DCLK1: variants seen among roughly 807,000 people sequenced by gnomAD.
The protein encoded by DCLK1 is doublecortin like kinase 1.
In DCLK1, 16 loss-of-function variants were observed where a neutral mutation model predicts 86.2. That is an observed-to-expected ratio of 0.19 (90% CI 0.13 to 0.28). DCLK1 has a LOEUF of 0.28. Among genes scored for constraint, DCLK1 ranks in the 10% least tolerant of loss-of-function variants. DCLK1 has a pLI of 1.00. For synonymous variants in DCLK1, 369 were observed against 370.5 expected, an observed-to-expected ratio of 1.00 and a Z score of 0.05; for missense variants, 590 against 940.2, an observed-to-expected ratio of 0.63 and a Z score of 4.87.
At chr13:35,837,623 T>G (rs1188668440) in intron 7 of DCLK1, among the ~76,000 whole-genome samples, 1 of 152,142 alleles carries the variant, frequency 6.6e-6, no homozygotes, top group East Asian at 1.9e-4. Context: ...TGGGTACAAG[T>G]GTGACCCTGC....
At chr13:35,830,337 G>A (rs543545920) in intron 8 of DCLK1, among the ~76,000 whole-genome samples, 28 of 152,286 alleles carry the variant, frequency 1.8e-4, no homozygotes, top group African/African-American at 6.5e-4. Flanking sequence ...GCTGCAGTGA[G>A]CCGAGATCAT....
chr13:36,103,763 C>T (rs73527278), intron 3 of DCLK1, among the ~76,000 whole-genome samples: 3 of 152,160 alleles, frequency 2.0e-5, no homozygotes, highest in African/African-American at 4.8e-5. Flanking sequence ...ACCACAGACA[C>T]CCTTGAATAC....
intron 4 of DCLK1, among the ~76,000 whole-genome samples, chr13:35,911,712 G>GTT (rs1875044262): frequency 6.6e-6 from 1 of 152,160 alleles, no homozygotes; most frequent in Non-Finnish European, 1.5e-5. Flanking sequence ...ACAATTTCTT[G>GTT]TTCTGGTTAC....
chr13:35,896,706 G>A (rs752879763), intron 4 of DCLK1, among the ~76,000 whole-genome samples: 12 of 151,658 alleles, frequency 7.9e-5, no homozygotes, highest in Non-Finnish European at 1.5e-5. Flanking sequence ...TTCTGCACTC[G>A]GCCTTGGCAG....
At chr13:35,881,293 A>G (rs981060297) in intron 4 of DCLK1, among the ~76,000 whole-genome samples, 3 of 152,192 alleles carry the variant, frequency 2.0e-5, no homozygotes, top group Non-Finnish European at 4.4e-5. Flanking sequence ...TTTTGTTTGC[A>G]CTTCCAACTT....
intron 6 of DCLK1, among the ~76,000 whole-genome samples, chr13:35,844,905 T>C (rs1044527190): frequency 3.9e-5 from 6 of 152,076 alleles, no homozygotes; most frequent in South Asian, 2.1e-4. Flanking sequence ...CTAGTAAAAA[T>C]GTTAGATTTA....
intron 4 of DCLK1, among the ~76,000 whole-genome samples, chr13:35,928,788 C>A (rs777191993): frequency 6.6e-6 from 1 of 152,154 alleles, no homozygotes; most frequent in Non-Finnish European, 1.5e-5. Flanking sequence ...CAGGCTCCTG[C>A]AATATAATAA....
chr13:35,828,381 A>G (rs1593635195), intron 8 of DCLK1, 74 bp from the exon 9 acceptor site: 1 of 1,193,626 alleles, frequency 8.4e-7, no homozygotes, highest in Non-Finnish European at 1.2e-6. Flanking sequence ...TCAGGGATCA[A>G]TTTCCTACCC....
chr13:36,035,298 T>C (rs1052250734), intron 3 of DCLK1, among the ~76,000 whole-genome samples: 3 of 152,314 alleles, frequency 2.0e-5, no homozygotes, highest in South Asian at 2.1e-4. Flanking sequence ...TTTGGAATAA[T>C]CTTTTTATGT....
intron 4 of DCLK1, among the ~76,000 whole-genome samples, chr13:35,913,855 G>T (rs1875195448): frequency 6.6e-6 from 1 of 152,284 alleles, no homozygotes; most frequent in African/African-American, 2.4e-5. Flanking sequence ...GAACTTGGCA[G>T]TTTAAAACTA....
At chr13:35,792,468 G>A (rs1483359299) in intron 16 of DCLK1, among the ~76,000 whole-genome samples, 1 of 152,128 alleles carries the variant, frequency 6.6e-6, no homozygotes, top group Non-Finnish European at 1.5e-5. Flanking sequence ...ATGAGTGAGA[G>A]GTGCTGTTTA....
chr13:35,990,351 C>T (rs1376065919), intron 3 of DCLK1, among the ~76,000 whole-genome samples: 2 of 152,132 alleles, frequency 1.3e-5, no homozygotes, highest in Non-Finnish European at 2.9e-5. Flanking sequence ...CCACCTTGCC[C>T]AGGCCTTTGA....
chr13:35,817,693 G>T (rs930850248), intron 11 of DCLK1, among the ~76,000 whole-genome samples: 2 of 152,118 alleles, frequency 1.3e-5, no homozygotes, highest in African/African-American at 2.4e-5. Context: ...AATGTGTTCA[G>T]AGTATTACCA....
chr13:35,987,649 G>A (rs570372210), intron 3 of DCLK1, among the ~76,000 whole-genome samples: 2 of 152,160 alleles, frequency 1.3e-5, no homozygotes, highest in South Asian at 2.1e-4. Context: ...ATGACCCTGA[G>A]GGGCACCACT....
chr13:36,078,623 A>C (rs1432134429), intron 3 of DCLK1, among the ~76,000 whole-genome samples: 1 of 152,206 alleles, frequency 6.6e-6, no homozygotes, highest in Non-Finnish European at 1.5e-5. Context: ...CTCCAAATGA[A>C]GATGAAGTAT....
chr13:36,116,950 C>G (rs1481082752), intron 2 of DCLK1, among the ~76,000 whole-genome samples: 1 of 152,154 alleles, frequency 6.6e-6, no homozygotes, highest in African/African-American at 2.4e-5. Context: ...CATAATCTAC[C>G]TGGAAGTCAC....
chr13:35,986,810 G>A (rs528838212), intron 3 of DCLK1, among the ~76,000 whole-genome samples: 18 of 152,112 alleles, frequency 1.2e-4, no homozygotes, highest in African/African-American at 1.9e-4. Flanking sequence ...TGTAAGTAGA[G>A]CTACACCTTA....
intron 4 of DCLK1, among the ~76,000 whole-genome samples, chr13:35,931,538 A>G (rs761608673): frequency 1.3e-5 from 2 of 152,176 alleles, no homozygotes; most frequent in Non-Finnish European, 2.9e-5. Flanking sequence ...GCCTCTATCA[A>G]ATAAGTTTAT....
At chr13:36,040,252 G>A (rs78780066) in intron 3 of DCLK1, among the ~76,000 whole-genome samples, 7,042 of 150,200 alleles carry the variant, frequency 0.047, 172 homozygotes, top group Middle Eastern at 0.092. Flanking sequence ...ATTACATTTA[G>A]TCGTTGTTTT....
Sources: gnomAD v4.1 joint callset for allele counts (sites outside exome capture counted in the v4.1 genomes callset) on GRCh38, gnomAD v4.1.1 for gene constraint, MANE v1.5 for transcripts, NCBI Gene and HGNC (gene_info 2026-07-23, HGNC 2026-07-21) for gene names.